Variants in IMMP2L observed in about 807,000 individuals in gnomAD.
IMMP2L encodes the protein mitochondrial inner membrane protease subunit 2.
IMMP2L carries 18 observed loss-of-function variants against 19.3 expected under a neutral mutation model. The observed-to-expected ratio is 0.93, with a 90% confidence interval of 0.64 to 1.38. The LOEUF (loss-of-function observed/expected upper bound fraction) is 1.38. IMMP2L is among the 40% of genes most tolerant of loss of function. The pLI is 0.00. For synonymous variants in IMMP2L, 76 were observed against 73.0 expected (o/e 1.04, Z -0.21); for missense variants, 233 against 218.2 (o/e 1.07, Z -0.43).
At chr7:111,362,791 T>C (rs1420490859) in intron 3 of IMMP2L, among the ~76,000 whole-genome samples, 2 of 152,108 alleles carry the variant, frequency 1.3e-5, no homozygotes, top group African/African-American at 4.8e-5. Context: ...AAGGGAATTT[T>C]CCATCCTGGA....
At chr7:111,115,290 C>T (rs1046180954) in intron 3 of IMMP2L, among the ~76,000 whole-genome samples, 1 of 151,280 alleles carries the variant, frequency 6.6e-6, no homozygotes, top group African/African-American at 2.4e-5. Flanking sequence ...CATCAAGAGA[C>T]AAGTTATGAC....
intron 3 of IMMP2L, among the ~76,000 whole-genome samples, chr7:111,322,198 G>A (rs17158485): frequency 0.01 from 1,572 of 151,916 alleles, 19 homozygotes; most frequent in East Asian, 0.041. Context: ...TATAAGACTT[G>A]ATAACTACTA....
At chr7:110,821,141 A>C (rs1802993330) in intron 5 of IMMP2L, among the ~76,000 whole-genome samples, 1 of 151,930 alleles carries the variant, frequency 6.6e-6, no homozygotes, top group South Asian at 2.1e-4. Context: ...ATATACACTA[A>C]CTCATTTAAC....
At chr7:110,777,677 G>A (rs943884445) in intron 5 of IMMP2L, among the ~76,000 whole-genome samples, 5 of 151,956 alleles carry the variant, frequency 3.3e-5, no homozygotes, top group African/African-American at 1.2e-4. Flanking sequence ...CATTAATTTT[G>A]CTACAATATG....
At chr7:111,495,608 C>T (rs1401493588) in intron 2 of IMMP2L, among the ~76,000 whole-genome samples, 2 of 152,120 alleles carry the variant, frequency 1.3e-5, no homozygotes, top group South Asian at 2.1e-4. Context: ...ATTTATCTTT[C>T]GGTTTACGAA....
At chr7:110,730,908 T>TA (rs1288971244) in intron 5 of IMMP2L, among the ~76,000 whole-genome samples, 5 of 152,194 alleles carry the variant, frequency 3.3e-5, no homozygotes, top group African/African-American at 1.2e-4. Flanking sequence ...TACTCCTTAA[T>TA]AAACTCCCCT....
At chr7:111,392,868 G>A in intron 3 of IMMP2L, 1 of 456,506 alleles carries the variant, frequency 2.2e-6, no homozygotes, top group South Asian at 1.5e-5. Context: ...AGTGAGGTCT[G>A]GAAGGGTCCA....
intron 1 of IMMP2L, among the ~76,000 whole-genome samples, chr7:111,528,602 A>T (rs1039560405): frequency 5.9e-5 from 9 of 152,196 alleles, no homozygotes; most frequent in Admixed American, 2.0e-4. Context: ...TCCTTCCCGT[A>T]ACAACTTGTG....
chr7:111,370,760 TA>T (rs1207625177), intron 3 of IMMP2L, among the ~76,000 whole-genome samples: 1 of 151,980 alleles, frequency 6.6e-6, no homozygotes, highest in African/African-American at 2.4e-5. Context: ...TATATAGCCA[TA>T]TTTTTTTTCT....
chr7:111,558,764 G>A (rs2133182604), intron 1 of IMMP2L, among the ~76,000 whole-genome samples: 1 of 152,236 alleles, frequency 6.6e-6, no homozygotes, highest in Middle Eastern at 3.4e-3. Context: ...GCTTTCCTTA[G>A]TACCTTTAGG....
chr7:111,127,668 A>G (rs1425873216), intron 3 of IMMP2L, among the ~76,000 whole-genome samples: 3 of 152,062 alleles, frequency 2.0e-5, no homozygotes, highest in Non-Finnish European at 2.9e-5. Context: ...AAGTACTCAA[A>G]CCATTTAACT....
intron 3 of IMMP2L, among the ~76,000 whole-genome samples, chr7:111,289,029 C>G (rs989341074): frequency 1.3e-5 from 2 of 152,050 alleles, no homozygotes; most frequent in African/African-American, 4.8e-5. Flanking sequence ...AAATGCCCAT[C>G]AATGATAGAC....
At chr7:110,906,877 C>A (rs1177598655) in intron 4 of IMMP2L, among the ~76,000 whole-genome samples, 1 of 152,060 alleles carries the variant, frequency 6.6e-6, no homozygotes, top group Non-Finnish European at 1.5e-5. Flanking sequence ...CAGATATCGC[C>A]CTGACCCCTT....
chr7:110,868,117 T>G (rs867737410), intron 5 of IMMP2L, among the ~76,000 whole-genome samples: 1 of 144,474 alleles, frequency 6.9e-6, no homozygotes, highest in East Asian at 2.1e-4. Flanking sequence ...CTTGTGAGGT[T>G]TGTGTGTGTG....
At chr7:110,863,673 C>T (rs891935077) in intron 5 of IMMP2L, among the ~76,000 whole-genome samples, 1 of 152,118 alleles carries the variant, frequency 6.6e-6, no homozygotes, top group Admixed American at 6.6e-5. Flanking sequence ...TGGTACTCAA[C>T]AGTATACTGT....
In IMMP2L at chr7:111,502,441, A is replaced by C. The variant is rs1844385359; in HGVS notation, c.136-15100T>G. Among the ~76,000 whole-genome samples, 4 of 152,142 alleles carry C rather than the reference A, an allele frequency of 2.6e-5. 1 individual carries two copies. The highest frequency in any genetic ancestry group is 2.6e-4 in the Admixed American group (4 of 15,266). On this transcript the variant is annotated intron_variant, in intron 2 of 5. Transcript: ENST00000405709. ...CAGAAAGTTAACAAGGATATCCAGG[A>C]ATTGAACTCACCTCTGCCCCAAGCA...
chr7:110,858,669 T>C (rs991229356), intron 5 of IMMP2L, among the ~76,000 whole-genome samples: 2 of 152,128 alleles, frequency 1.3e-5, no homozygotes, highest in South Asian at 4.2e-4. Flanking sequence ...TAGTTACATA[T>C]GTATACATGT....
At chr7:110,994,283 C>T (rs1822806004) in intron 3 of IMMP2L, among the ~76,000 whole-genome samples, 1 of 152,050 alleles carries the variant, frequency 6.6e-6, no homozygotes, top group Admixed American at 6.6e-5. Flanking sequence ...TGAACTGTTC[C>T]TGGGGTTCTT....
chr7:110,986,232 G>C (rs1326637404), intron 3 of IMMP2L, among the ~76,000 whole-genome samples: 1 of 151,968 alleles, frequency 6.6e-6, no homozygotes, highest in Non-Finnish European at 1.5e-5. Flanking sequence ...CAAAGTTTGA[G>C]CTTTTCCTGG....
Sources: allele counts gnomAD v4.1 joint callset (sites outside exome capture counted in the v4.1 genomes callset), GRCh38; gene constraint gnomAD v4.1.1; transcripts MANE v1.5; gene names NCBI Gene and HGNC (gene_info 2026-07-23, HGNC 2026-07-21).